Variants in PCDH11X observed in about 807,000 individuals in gnomAD.
PCDH11X encodes the protein protocadherin-11 X-linked.
In PCDH11X, 18 loss-of-function variants were observed where a neutral mutation model predicts 53.3. The ratio of observed to expected loss-of-function variants is 0.34; its 90% CI spans 0.23 to 0.50. The LOEUF is 0.50. Ranked by LOEUF, PCDH11X falls within the 20% of genes least tolerant of loss-of-function variation. The pLI is 0.98. For synonymous variants in PCDH11X, 279 were observed against 393.3 expected, an observed-to-expected ratio of 0.71 and a Z score of 3.44; for missense variants, 570 against 1,032.4, an observed-to-expected ratio of 0.55 and a Z score of 6.14.
chrX:92,013,169 G>T (rs1228915079), intron 6 of PCDH11X, among the ~76,000 whole-genome samples: 1 of 111,406 alleles, frequency 9.0e-6, no homozygotes, highest in African/African-American at 3.3e-5. Flanking sequence ...AGCTGATAAG[G>T]CAACTTCAGC....
chrX:92,288,802 T>C (rs1230443809), intron 8 of PCDH11X, among the ~76,000 whole-genome samples: 1 of 109,562 alleles, frequency 9.1e-6, no homozygotes, highest in African/African-American at 3.3e-5. Flanking sequence ...ATCATCCCAG[T>C]AAATAATTTT....
chrX:92,393,919 A>G (rs1234106767), intron 9 of PCDH11X, among the ~76,000 whole-genome samples: 1 of 111,341 alleles, frequency 9.0e-6, no homozygotes, highest in East Asian at 2.8e-4. Flanking sequence ...TACCATTTAA[A>G]CTGACGTGCT....
chrX:92,208,984 T>C (rs1260622900), intron 7 of PCDH11X, among the ~76,000 whole-genome samples: 2 of 110,334 alleles, frequency 1.8e-5, no homozygotes, highest in Non-Finnish European at 3.8e-5. Context: ...AACAACCAGG[T>C]CTCGTGAGAA....
At chrX:92,131,891 G>T (rs1210079427) in intron 6 of PCDH11X, among the ~76,000 whole-genome samples, 1 of 107,967 alleles carries the variant, frequency 9.3e-6, no homozygotes, top group African/African-American at 3.4e-5. Flanking sequence ...ATGTTTTAAG[G>T]CCTAGGAAAG....
intron 6 of PCDH11X, among the ~76,000 whole-genome samples, chrX:91,893,407 G>C (rs1394961502): frequency 9.5e-6 from 1 of 105,650 alleles, no homozygotes. Flanking sequence ...GAGTGCAGTG[G>C]CGCGATCTCG....
At chrX:92,030,351 A>G (rs2063031388) in intron 6 of PCDH11X, among the ~76,000 whole-genome samples, 1 of 109,380 alleles carries the variant, frequency 9.1e-6, no homozygotes, top group Non-Finnish European at 1.9e-5. Context: ...TTTTTTTTTA[A>G]TTTTTAATTT....
At chrX:92,094,787 A>G (rs1187617917) in intron 6 of PCDH11X, among the ~76,000 whole-genome samples, 3 of 111,904 alleles carry the variant, frequency 2.7e-5, no homozygotes, top group African/African-American at 6.5e-5. Flanking sequence ...GGGAAAAACA[A>G]CAACAACTGT....
At chrX:92,574,735 G>A (rs1156873201) in intron 10 of PCDH11X, among the ~76,000 whole-genome samples, 13 of 111,039 alleles carry the variant, frequency 1.2e-4, no homozygotes, top group Non-Finnish European at 2.3e-4. Context: ...GGGCTAAGTA[G>A]TTGTTTATGT....
intron 6 of PCDH11X, among the ~76,000 whole-genome samples, chrX:92,038,412 C>A (rs1224788619): frequency 9.1e-6 from 1 of 110,443 alleles, no homozygotes; most frequent in African/African-American, 3.3e-5. Flanking sequence ...GAACTCAGGC[C>A]ATGGCTTCAG....
intron 10 of PCDH11X, among the ~76,000 whole-genome samples, chrX:92,514,843 C>A (rs927279649): frequency 9.2e-6 from 1 of 108,842 alleles, no homozygotes; most frequent in African/African-American, 3.3e-5. Context: ...GTCAGGAGAT[C>A]GAGACCATCC....
At chrX:92,059,016 A>C (rs1383094527) in intron 6 of PCDH11X, among the ~76,000 whole-genome samples, 2 of 109,034 alleles carry the variant, frequency 1.8e-5, no homozygotes, top group Non-Finnish European at 3.8e-5. Flanking sequence ...CAAAGAGTTG[A>C]ATTAGGTTTT....
intron 5 of PCDH11X, among the ~76,000 whole-genome samples, chrX:91,871,255 G>A (rs1047170371): frequency 4.6e-5 from 5 of 109,878 alleles, no homozygotes; most frequent in African/African-American, 1.7e-4. Flanking sequence ...TTATTGTAGT[G>A]TTATCCATTT....
chrX:92,293,451 C>T (rs1314316641), intron 8 of PCDH11X, among the ~76,000 whole-genome samples: 1 of 109,243 alleles, frequency 9.2e-6, no homozygotes, highest in Non-Finnish European at 1.9e-5. Context: ...AGTGAAACCC[C>T]GCCTCTACAA....
At chrX:91,937,933 G>C (rs1309549590) in intron 6 of PCDH11X, among the ~76,000 whole-genome samples, 1 of 111,340 alleles carries the variant, frequency 9.0e-6, no homozygotes. Context: ...TTGTCCATCT[G>C]ATATTATGCA....
chrX:91,828,649 C>CAGT (rs998855539), intron 4 of PCDH11X, among the ~76,000 whole-genome samples: 5 of 111,266 alleles, frequency 4.5e-5, no homozygotes, highest in Non-Finnish European at 5.6e-5. Context: ...TGTTATTAGG[C>CAGT]AGTTGATAAA....
chrX:92,071,456 C>T (rs1280057852), intron 6 of PCDH11X, among the ~76,000 whole-genome samples: 1 of 111,408 alleles, frequency 9.0e-6, no homozygotes, highest in Non-Finnish European at 1.9e-5. Flanking sequence ...AGGATTGGTC[C>T]CTGGTGCCTC....
chrX:92,563,623 A>G (rs1921091977), intron 10 of PCDH11X, among the ~76,000 whole-genome samples: 1 of 111,950 alleles, frequency 8.9e-6, no homozygotes, highest in African/African-American at 3.2e-5. Context: ...AGGCATGAAG[A>G]AGAAATAAAG....
At chrX:92,060,761 G>A (rs1171893087) in intron 6 of PCDH11X, among the ~76,000 whole-genome samples, 1 of 111,270 alleles carries the variant, frequency 9.0e-6, no homozygotes, top group Non-Finnish European at 1.9e-5. Context: ...CCATGCCTTT[G>A]CTACTGTGAA....
In PCDH11X at chrX:92,063,993, T is replaced by G. The variant is rs373955199; in HGVS notation, c.3034-137382T>G. On this transcript the variant is annotated intron_variant, in intron 6 of 10. Coordinates refer to ENST00000682573, the MANE Select transcript of PCDH11X (RefSeq NM_032968.5). ...GGGTTGTACTGGCTAAAACACTTTC[T>G]TGGGGTGGTGACAGCAGAATTCATG... 1.0e-4 allele frequency among the ~76,000 whole-genome samples: 11 copies of G among 108,678 alleles called. No individual in the cohort carries two copies. The East Asian group carries it at 1.2e-3, about 11-fold the overall frequency. The allele number at this position is 108,678 out of a possible 115,157, so 94.4% of individuals were successfully genotyped here. A position where few individuals can be genotyped will look rare whatever the true frequency, so the allele number is the denominator to read the frequency against.
Sources: allele counts gnomAD v4.1 joint callset (sites outside exome capture counted in the v4.1 genomes callset), GRCh38; gene constraint gnomAD v4.1.1; transcripts MANE v1.5; gene names NCBI Gene and HGNC (gene_info 2026-07-23, HGNC 2026-07-21).